The following SOX5 variants were observed in gnomAD, a reference collection of about 807,000 sequenced individuals.
SOX5 encodes the protein transcription factor SOX-5.
A neutral mutation model predicts 92.0 loss-of-function variants in SOX5; 9 were observed. The ratio of observed to expected loss-of-function variants is 0.10; its 90% CI spans 0.06 to 0.17. The LOEUF (loss-of-function observed/expected upper bound fraction) is 0.17, where lower values mean the gene tolerates loss of function less well. Ranked by LOEUF, SOX5 falls within the 10% of genes least tolerant of loss-of-function variation. SOX5 has a pLI of 1.00. For missense variants in SOX5, 642 were observed against 944.5 expected, an observed-to-expected ratio of 0.68 and a Z score of 4.20; for synonymous variants, 344 against 336.3, an observed-to-expected ratio of 1.02 and a Z score of -0.25.
At chr12:23,796,495 A>T (rs2095562779) in intron 3 of SOX5, among the ~76,000 whole-genome samples, 1 of 152,090 alleles carries the variant, frequency 6.6e-6, no homozygotes, top group Admixed American at 6.6e-5. Context: ...CAAGGAGTTT[A>T]ATGACACTGA....
intron 2 of SOX5, among the ~76,000 whole-genome samples, chr12:24,304,048 C>T (rs984951478): frequency 5.3e-5 from 8 of 152,098 alleles, no homozygotes; most frequent in African/African-American, 1.9e-4. Flanking sequence ...GCATACACTA[C>T]ACAAAAATAT....
intron 2 of SOX5, among the ~76,000 whole-genome samples, chr12:23,892,992 C>T (rs1468595056): frequency 2.0e-5 from 3 of 152,198 alleles, no homozygotes. Flanking sequence ...CTGCGTAAAC[C>T]TGTCTCTAAA....
intron 1 of SOX5, among the ~76,000 whole-genome samples, chr12:23,944,928 CT>C (rs1944294285): frequency 6.6e-6 from 1 of 152,084 alleles, no homozygotes; most frequent in East Asian, 1.9e-4. Context: ...CTTTCCCAGG[CT>C]GTTGGATAAC....
chr12:23,569,058 G>A (rs947379531), intron 10 of SOX5, among the ~76,000 whole-genome samples: 21 of 152,214 alleles, frequency 1.4e-4, no homozygotes, highest in African/African-American at 4.3e-4. Context: ...GAGCATGGTG[G>A]TGCTTGCCTG....
intron 1 of SOX5, among the ~76,000 whole-genome samples, chr12:24,514,129 C>T (rs1165050645): frequency 2.0e-5 from 3 of 152,178 alleles, no homozygotes; most frequent in African/African-American, 7.2e-5. Context: ...AACAATTAGC[C>T]AATTGCTTCT....
At chr12:24,016,600 A>G (rs1435515875) in intron 4 of SOX5, among the ~76,000 whole-genome samples, 1 of 152,168 alleles carries the variant, frequency 6.6e-6, no homozygotes, top group Non-Finnish European at 1.5e-5. Context: ...ATGACTTTGG[A>G]GGAAAAATTG....
At chr12:24,411,182 G>A (rs1964004574) in intron 1 of SOX5, among the ~76,000 whole-genome samples, 1 of 151,306 alleles carries the variant, frequency 6.6e-6, no homozygotes, top group Admixed American at 6.6e-5. Context: ...AATTAGTTTT[G>A]GGAGTTAGTT....
At chr12:23,548,573 A>G (rs1047694326) in intron 11 of SOX5, among the ~76,000 whole-genome samples, 16 of 152,076 alleles carry the variant, frequency 1.1e-4, no homozygotes, top group Non-Finnish European at 2.1e-4. Flanking sequence ...CAGGAAATGG[A>G]GAATGTGAGG....
intron 4 of SOX5, among the ~76,000 whole-genome samples, chr12:24,009,140 G>A (rs1244938800): frequency 1.3e-5 from 2 of 152,132 alleles, no homozygotes; most frequent in African/African-American, 4.8e-5. Context: ...ATCCAGCCCA[G>A]CCATGCCTTC....
At position 23,530,851 on chromosome 12, in the gene SOX5, G is replaced by GT. The variant is rs1938907647; in HGVS notation, c.*3367_*3368insA. 1.3e-5 allele frequency: 2 copies of GT among 151,372 alleles called. No individual in the cohort carries two copies. Among genetic ancestry groups the GT allele is most frequent in the South Asian group, 4.2e-4 (2 of 4,760 alleles). The allele number at this position is 151,372 out of a possible 1,614,324, so 9.4% of individuals were successfully genotyped here. A position where few individuals can be genotyped will look rare whatever the true frequency, so the allele number is the denominator to read the frequency against. On this transcript the variant is annotated 3_prime_UTR_variant, in exon 15 of 15. Coordinates refer to ENST00000451604, the MANE Select transcript of SOX5 (RefSeq NM_006940.6). ...CGCGCGCGCGCATGTGAGAGAGAGA[G>GT]AGAAAGGGAAAGAGATAAAGTGTGA...
At chr12:24,033,508 C>T (rs1351883719) in intron 4 of SOX5, among the ~76,000 whole-genome samples, 1 of 151,856 alleles carries the variant, frequency 6.6e-6, no homozygotes, top group Non-Finnish European at 1.5e-5. Flanking sequence ...TTTAAAGTTA[C>T]AATTTTCTGC....
At chr12:24,560,349 A>C (rs2139075436) in intron 1 of SOX5, among the ~76,000 whole-genome samples, 1 of 152,342 alleles carries the variant, frequency 6.6e-6, no homozygotes, top group African/African-American at 2.4e-5. Context: ...CAGTTTAAGG[A>C]TTTAAGGCTG....
intron 9 of SOX5, among the ~76,000 whole-genome samples, chr12:23,593,082 AATAAAT>A (rs759370770): frequency 1.6e-4 from 24 of 151,124 alleles, no homozygotes; most frequent in South Asian, 8.3e-4. Context: ...CTGTCTCAAA[AATAAAT>A]AAATAAATAA....
At chr12:23,681,876 A>G (rs1271683102) in intron 6 of SOX5, among the ~76,000 whole-genome samples, 1 of 151,866 alleles carries the variant, frequency 6.6e-6, no homozygotes, top group Non-Finnish European at 1.5e-5. Flanking sequence ...AGTTTCAATT[A>G]ACAGGAAGAC....
intron 2 of SOX5, among the ~76,000 whole-genome samples, chr12:23,867,777 G>C (rs563360598): frequency 4.6e-5 from 7 of 150,584 alleles, no homozygotes; most frequent in African/African-American, 7.3e-5. Context: ...TTTGAAAAGC[G>C]ATCTGTAAAT....
chr12:24,080,683 T>C (rs1943219788), intron 4 of SOX5, among the ~76,000 whole-genome samples: 1 of 151,994 alleles, frequency 6.6e-6, no homozygotes, highest in Non-Finnish European at 1.5e-5. Context: ...GGTTCCAAAA[T>C]ATTGTTTGCT....
chr12:24,181,772 T>C (rs1227855215), intron 4 of SOX5, among the ~76,000 whole-genome samples: 1 of 152,180 alleles, frequency 6.6e-6, no homozygotes, highest in African/African-American at 2.4e-5. Flanking sequence ...AAAGGTAAGA[T>C]AGTGATCATC....
At chr12:24,421,434 A>G (rs1965899323) in intron 1 of SOX5, among the ~76,000 whole-genome samples, 1 of 152,254 alleles carries the variant, frequency 6.6e-6, no homozygotes, top group Admixed American at 6.5e-5. Context: ...GATGTCAATT[A>G]TAATAGACAC....
intron 4 of SOX5, among the ~76,000 whole-genome samples, chr12:24,155,571 G>A (rs1952082855): frequency 6.6e-6 from 1 of 152,064 alleles, no homozygotes; most frequent in Non-Finnish European, 1.5e-5. Flanking sequence ...CCCACATGGT[G>A]GCCTTCCTGC....
Sources: allele counts gnomAD v4.1 joint callset (sites outside exome capture counted in the v4.1 genomes callset), GRCh38; gene constraint gnomAD v4.1.1; transcripts MANE v1.5; gene names NCBI Gene and HGNC (gene_info 2026-07-23, HGNC 2026-07-21).